Variants in KLF12 observed in about 807,000 individuals in gnomAD.
KLF12 encodes the protein KLF transcription factor 12, also known as Krueppel-like factor 12.
A neutral mutation model predicts 37.8 loss-of-function variants in KLF12; 9 were observed. The observed-to-expected ratio is 0.24, with a 90% confidence interval of 0.14 to 0.42. KLF12 has a LOEUF of 0.42. Ranked by LOEUF, KLF12 falls within the 10% of genes least tolerant of loss-of-function variation. The pLI is 1.00. For missense variants in KLF12, 411 were observed against 516.0 expected, an observed-to-expected ratio of 0.80 and a Z score of 1.97; for synonymous variants, 208 against 202.1, an observed-to-expected ratio of 1.03 and a Z score of -0.25.
intron 2 of KLF12, among the ~76,000 whole-genome samples, chr13:73,989,175 A>C (rs949432806): frequency 6.6e-6 from 1 of 152,196 alleles, no homozygotes; most frequent in African/African-American, 2.4e-5. Context: ...AAAGCAAATA[A>C]AAAAATAAAA....
At chr13:73,714,711 G>T (rs1875665740) in intron 7 of KLF12, among the ~76,000 whole-genome samples, 1 of 152,174 alleles carries the variant, frequency 6.6e-6, no homozygotes, top group South Asian at 2.1e-4. Context: ...GACACAGAAG[G>T]CAGAGGATGG....
At chr13:74,237,915 AT>A in the KLF12 span, among the ~76,000 whole-genome samples, 1 of 151,914 alleles carries the variant, frequency 6.6e-6, no homozygotes, top group African/African-American at 2.4e-5. Context: ...TCTTTTCCTA[AT>A]TGAATACCCT....
intron 2 of KLF12, among the ~76,000 whole-genome samples, chr13:73,981,418 C>A (rs1891685092): frequency 1.3e-5 from 2 of 152,070 alleles, no homozygotes; most frequent in African/African-American, 4.8e-5. Flanking sequence ...AAATAGAATT[C>A]TATTCATTTG....
the KLF12 span, among the ~76,000 whole-genome samples, chr13:74,162,606 C>G: frequency 6.6e-6 from 1 of 152,154 alleles, no homozygotes; most frequent in African/African-American, 2.4e-5. Flanking sequence ...TCTTGTATTT[C>G]TCTCCTTCGT....
intron 1 of KLF12, among the ~76,000 whole-genome samples, chr13:73,997,189 G>A (rs1464598088): frequency 5.3e-5 from 8 of 152,094 alleles, no homozygotes; most frequent in Non-Finnish European, 1.2e-4. Context: ...CACAAATGAA[G>A]GTAACAGATG....
chr13:74,225,380 T>C, the KLF12 span, among the ~76,000 whole-genome samples: 1 of 152,186 alleles, frequency 6.6e-6, no homozygotes, highest in Non-Finnish European at 1.5e-5. Context: ...AAAGCTATGC[T>C]GTTAATGAGG....
intron 3 of KLF12, among the ~76,000 whole-genome samples, chr13:73,852,131 G>C (rs954141303): frequency 6.6e-6 from 1 of 152,140 alleles, no homozygotes; most frequent in East Asian, 1.9e-4. Context: ...TTACTAAAAA[G>C]GGAAGCCTAT....
chr13:74,269,828 G>C, the KLF12 span, among the ~76,000 whole-genome samples: 1 of 152,106 alleles, frequency 6.6e-6, no homozygotes, highest in Non-Finnish European at 1.5e-5. Flanking sequence ...ATAATGAGCC[G>C]CTCATGCCAG....
intron 4 of KLF12, among the ~76,000 whole-genome samples, chr13:73,825,512 C>T (rs550873240): frequency 6.6e-6 from 1 of 152,328 alleles, no homozygotes; most frequent in Admixed American, 6.5e-5. Flanking sequence ...CTTACACTAA[C>T]TTCTTTAGAA....
At chr13:74,276,524 C>T in the KLF12 span, among the ~76,000 whole-genome samples, 2 of 152,202 alleles carry the variant, frequency 1.3e-5, no homozygotes, top group African/African-American at 4.8e-5. Context: ...TAAAGTTTCA[C>T]AATTTACCAC....
intron 3 of KLF12, among the ~76,000 whole-genome samples, chr13:73,888,809 T>C (rs1007636114): frequency 6.6e-6 from 1 of 152,212 alleles, no homozygotes; most frequent in Non-Finnish European, 1.5e-5. Context: ...TTCTTTGCTC[T>C]ATCTGCCGTG....
intron 1 of KLF12, among the ~76,000 whole-genome samples, chr13:74,113,399 C>T (rs1050052311): frequency 6.6e-6 from 1 of 152,296 alleles, no homozygotes; most frequent in Non-Finnish European, 1.5e-5. Flanking sequence ...AATCTCAAAG[C>T]ACAGGCTGAC....
At chr13:73,981,396 G>A (rs561741431) in intron 2 of KLF12, among the ~76,000 whole-genome samples, 1 of 152,060 alleles carries the variant, frequency 6.6e-6, no homozygotes, top group East Asian at 1.9e-4. Context: ...GATAAATTAT[G>A]GTGTAGTCAT....
intron 6 of KLF12, 29 bp from the exon 7 acceptor site, chr13:73,715,554 G>C (rs770579098): frequency 6.2e-7 from 1 of 1,609,008 alleles, no homozygotes; most frequent in Non-Finnish European, 8.5e-7. Context: ...GAGTTACACG[G>C]TGAGATGCAC....
chr13:73,738,068 TAC>T (rs1209753358), intron 6 of KLF12, among the ~76,000 whole-genome samples: 4 of 144,700 alleles, frequency 2.8e-5, no homozygotes, highest in African/African-American at 5.0e-5. Flanking sequence ...TATATATATA[TAC>T]ACACACATAT....
chr13:74,063,341 A>C (rs1757578140), intron 1 of KLF12, among the ~76,000 whole-genome samples: 1 of 152,216 alleles, frequency 6.6e-6, no homozygotes, highest in South Asian at 2.1e-4. Context: ...AGGAGGCTTG[A>C]ACTAAAGAGC....
At chr13:73,784,167 C>A (rs932906372) in intron 5 of KLF12, among the ~76,000 whole-genome samples, 1 of 152,154 alleles carries the variant, frequency 6.6e-6, no homozygotes, top group Non-Finnish European at 1.5e-5. Context: ...TCTTTCAGAG[C>A]TTACCATCTG....
intron 6 of KLF12, among the ~76,000 whole-genome samples, chr13:73,733,492 T>C (rs147955158): frequency 2.0e-5 from 3 of 152,246 alleles, no homozygotes; most frequent in Non-Finnish European, 2.9e-5. Flanking sequence ...CAGAATTTCA[T>C]TGCTTTCTAA....
chr13:73,948,573 C>T (rs568662329), intron 2 of KLF12, among the ~76,000 whole-genome samples: 1 of 152,176 alleles, frequency 6.6e-6, no homozygotes, highest in Non-Finnish European at 1.5e-5. Context: ...AAAGTAACAT[C>T]CTGTGGGTAC....
Sources: allele counts gnomAD v4.1 joint callset (sites outside exome capture counted in the v4.1 genomes callset), GRCh38; gene constraint gnomAD v4.1.1; transcripts MANE v1.5; gene names NCBI Gene and HGNC (gene_info 2026-07-23, HGNC 2026-07-21).